Variants in SLC2A9 observed in about 807,000 individuals in gnomAD.
SLC2A9 encodes solute carrier family 2, facilitated glucose transporter member 9.
In SLC2A9, 39 loss-of-function variants were observed where a neutral mutation model predicts 50.6. The observed-to-expected ratio is 0.77, with a 90% CI of 0.60 to 1.01. The LOEUF is 1.01. SLC2A9 is among the 50% of genes least tolerant of loss of function. The probability of loss-of-function intolerance (pLI) is 0.00; values close to 1 mark genes in which losing one functional copy is unlikely to be tolerated. For missense variants in SLC2A9, 686 were observed against 677.6 expected (o/e 1.01, Z -0.14); for synonymous variants, 324 against 276.9 (o/e 1.17, Z -1.69).
At chr4:9,972,377 T>TA (rs34838359) in intron 5 of SLC2A9, among the ~76,000 whole-genome samples, 12,248 of 152,066 alleles carry the variant, frequency 0.081, 981 homozygotes, top group East Asian at 0.46. Context: ...TGATTTGTTT[T>TA]AAAAAAAATA....
intron 10 of SLC2A9, chr4:9,880,525 A>C (rs1010694255): frequency 1.0e-6 from 1 of 985,304 alleles, no homozygotes; most frequent in Admixed American, 6.1e-5. Flanking sequence ...ATCATTGCAA[A>C]AAGTCTTGGG....
rs574525042 is a variant in SLC2A9 at position 9,904,195 on chromosome 4, C to T, written c.1113+4040G>A. Among the ~76,000 whole-genome samples, 16 of 152,154 alleles carry T rather than the reference C, an allele frequency of 1.1e-4. No homozygotes were observed. The South Asian group carries it at 3.3e-3, about 32-fold the overall frequency. ...CACAGACTCAGTGGCTTAAAACAAC[C>T]CAGGTGGATTATCTTATAGTTTTGG... On this transcript the variant is annotated intron_variant, in intron 8 of 11. Coordinates refer to ENST00000264784, the MANE Select transcript of SLC2A9 (RefSeq NM_020041.3).
rs778352498 is a variant in SLC2A9 at position 9,920,404 on chromosome 4, T to C, written c.983A>G (p.Gln328Arg). ...VTVIVTMACY[Q>R]LCGLNAIWFY... ...ACTCACTGCATTGAGGCCACAGAGC[T>C]GGTAGCAGGCCATGGTGACAATCAC... The change falls in exon 7 of 12, where the codon CAG (glutamine) becomes CGG (arginine). Residue 328 changes from glutamine (Q) to arginine (R), a missense_variant. Transcript: ENST00000264784. 1.2e-6 allele frequency: 2 copies of C among 1,614,144 alleles called. No individual in the cohort carries two copies. The highest frequency in any genetic ancestry group is 4.5e-5 in the East Asian group (2 of 44,884).
chr4:9,884,011 G>C (rs1197978798), intron 10 of SLC2A9, among the ~76,000 whole-genome samples: 1 of 152,206 alleles, frequency 6.6e-6, no homozygotes, highest in Non-Finnish European at 1.5e-5. Flanking sequence ...GGATGCAGTA[G>C]ACCAGAGACA....
chr4:9,908,870 T>A (rs1158471886), intron 7 of SLC2A9, among the ~76,000 whole-genome samples: 1 of 152,162 alleles, frequency 6.6e-6, no homozygotes, highest in Non-Finnish European at 1.5e-5. Flanking sequence ...TAAAAGGAAC[T>A]TTTCATCAAG....
chr4:9,961,262 G>A (rs1256546063), intron 5 of SLC2A9, among the ~76,000 whole-genome samples: 1 of 152,042 alleles, frequency 6.6e-6, no homozygotes, highest in African/African-American at 2.4e-5. Context: ...ATATAGCCAA[G>A]ACAATCCTAA....
At chr4:9,938,270 ATTT>A (rs35270015) in intron 6 of SLC2A9, among the ~76,000 whole-genome samples, 9 of 118,192 alleles carry the variant, frequency 7.6e-5, no homozygotes, top group Admixed American at 9.3e-5. Context: ...ATCTTTTGCT[ATTT>A]TTTTTTTTTT....
intron 1 of SLC2A9, among the ~76,000 whole-genome samples, chr4:10,039,636 TC>T (rs1764216408): frequency 6.6e-6 from 1 of 152,086 alleles, no homozygotes; most frequent in African/African-American, 2.4e-5. Context: ...TCTAACTTGG[TC>T]CCCTCCATCC....
chr4:9,943,780 G>A (rs570129905), intron 5 of SLC2A9, among the ~76,000 whole-genome samples: 10 of 152,254 alleles, frequency 6.6e-5, no homozygotes, highest in Admixed American at 1.3e-4. Flanking sequence ...TTTGGCTGCC[G>A]TCTCAGTAAG....
Position 9,837,677 on chromosome 4 carries a change from A to C in SLC2A9, c.1292-2669T>G, listed in dbSNP as rs572436565. Among the ~76,000 whole-genome samples, 9 of 152,352 alleles carry C rather than the reference A, an allele frequency of 5.9e-5. No individual in the cohort carries two copies. The East Asian group carries it at 1.7e-3, about 29-fold the overall frequency. On this transcript the variant is annotated intron_variant, in intron 10 of 11. Transcript: ENST00000264784. The stretch of plus-strand genomic sequence containing the variant: ...CCTAGCACAGTGCTGAACACATACC[A>C]GGTGCTCTGTAAGTGTTTGCAGGAT...
At chr4:9,915,453 C>A (rs1742692835) in intron 7 of SLC2A9, among the ~76,000 whole-genome samples, 2 of 152,200 alleles carry the variant, frequency 1.3e-5, no homozygotes, top group African/African-American at 4.8e-5. Flanking sequence ...TCAGGCTGAT[C>A]TTGAACTCCC....
chr4:9,920,523 C>T lies in SLC2A9; in HGVS notation c.864G>A (p.Glu288=), dbSNP rs1743740032. Residue 288 remains glutamate, a synonymous_variant, in exon 7 of 12, where the codon GAG becomes GAA. Transcript: ENST00000264784. Reference sequence around the variant, plus strand: ...TCTGCACGCGGCTCTCAGCCAGGACCTCCTCTACCTCTTGGGAAACGTCTG... The same window carrying T: ...TCTGCACGCGGCTCTCAGCCAGGACTTCCTCTACCTCTTGGGAAACGTCTG... ...GKADVSQEVE[E]VLAESRVQRS... 6.2e-7 allele frequency: 1 copy of T among 1,614,180 alleles called. No individual in the cohort carries two copies. Among genetic ancestry groups the T allele is most frequent in the Non-Finnish European group, 8.5e-7 (1 of 1,180,038 alleles).
chr4:9,891,513 T>G (rs1428435250), intron 8 of SLC2A9, among the ~76,000 whole-genome samples: 2 of 151,734 alleles, frequency 1.3e-5, no homozygotes, highest in African/African-American at 2.4e-5. Flanking sequence ...TCCACAAGAG[T>G]GTCTGGAGTG....
chr4:9,981,897 C>T (rs1361813638), intron 4 of SLC2A9, among the ~76,000 whole-genome samples: 134 of 136,954 alleles, frequency 9.8e-4, no homozygotes, highest in African/African-American at 3.2e-3. Context: ...TTTTTTTTTT[C>T]CAAGATGGGG....
intron 10 of SLC2A9, among the ~76,000 whole-genome samples, chr4:9,840,381 G>A (rs557972639): frequency 4.9e-4 from 74 of 152,122 alleles, no homozygotes; most frequent in Middle Eastern, 3.4e-3. Flanking sequence ...GAAAGAATGG[G>A]GTTTGATAAA....
At chr4:9,902,882 T>C (rs1739906201) in intron 8 of SLC2A9, among the ~76,000 whole-genome samples, 1 of 152,164 alleles carries the variant, frequency 6.6e-6, no homozygotes, top group South Asian at 2.1e-4. Flanking sequence ...TTTGAGGAGG[T>C]GCAATTCAAC....
chr4:10,030,981 GC>G (rs1763926573), intron 1 of SLC2A9, among the ~76,000 whole-genome samples: 1 of 152,166 alleles, frequency 6.6e-6, no homozygotes, highest in Non-Finnish European at 1.5e-5. Context: ...AACCCCAGCT[GC>G]ACGCCTCTGC....
At chr4:10,032,711 A>T (rs1237439352) in intron 1 of SLC2A9, among the ~76,000 whole-genome samples, 1 of 152,174 alleles carries the variant, frequency 6.6e-6, no homozygotes, top group African/African-American at 2.4e-5. Context: ...GGTCAACAGG[A>T]GACCTGTGTA....
chr4:9,846,528 C>T (rs1299351952), intron 10 of SLC2A9, among the ~76,000 whole-genome samples: 2 of 152,168 alleles, frequency 1.3e-5, no homozygotes, highest in African/African-American at 4.8e-5. Context: ...CAGTGGGCTC[C>T]TCTGGCTCTG....
Sources: allele counts gnomAD v4.1 joint callset (sites outside exome capture counted in the v4.1 genomes callset), GRCh38; gene constraint gnomAD v4.1.1; transcripts MANE v1.5; gene names NCBI Gene and HGNC (gene_info 2026-07-23, HGNC 2026-07-21).